Variants in GPN1 observed in about 807,000 individuals in gnomAD.
The protein encoded by GPN1 is GPN-loop GTPase 1.
Under a neutral mutation model 55.9 loss-of-function variants are expected in GPN1, and 44 were observed. The ratio of observed to expected loss-of-function variants is 0.79; its 90% CI spans 0.62 to 1.01. GPN1 has a LOEUF of 1.01. Among genes scored for constraint, GPN1 ranks in the 50% least tolerant of loss-of-function variants. GPN1 has a pLI of 0.00. For synonymous variants in GPN1, 179 were observed against 162.5 expected (o/e 1.10, Z -0.77); for missense variants, 466 against 462.8 (o/e 1.01, Z -0.06).
At chr2:27,635,057 C>T (rs1673678806) in intron 6 of GPN1, 83 bp from the exon 7 acceptor site, 1 of 1,027,090 alleles carries the variant, frequency 9.7e-7, no homozygotes, top group Admixed American at 1.7e-5. Context: ...AAGTGGTTTT[C>T]CCTTGTTAAG....
chr2:27,644,740 T>TTTTTTTTC (rs1389842515), intron 12 of GPN1, among the ~76,000 whole-genome samples: 5 of 148,524 alleles, frequency 3.4e-5, no homozygotes, highest in South Asian at 2.1e-4. Context: ...TTTTTTTTTT[T>TTTTTTTTC]TTTACAGATG....
chr2:27,633,379 C>T (rs945372345), intron 5 of GPN1, among the ~76,000 whole-genome samples: 1 of 152,198 alleles, frequency 6.6e-6, no homozygotes, highest in Non-Finnish European at 1.5e-5. Flanking sequence ...GATCTCAGCT[C>T]ACTGTAACTT....
At chr2:27,635,949 T>C (rs1673716917) in intron 7 of GPN1, among the ~76,000 whole-genome samples, 2 of 151,992 alleles carry the variant, frequency 1.3e-5, no homozygotes, top group Admixed American at 6.6e-5. Context: ...GCATGGTGGC[T>C]CATGCCTATA....
intron 12 of GPN1, among the ~76,000 whole-genome samples, chr2:27,647,015 T>C (rs1233881036): frequency 6.6e-6 from 1 of 152,256 alleles, no homozygotes; most frequent in East Asian, 1.9e-4. Context: ...TGGGAGAGTT[T>C]AAGTAAATCA....
intron 3 of GPN1, 56 bp from the exon 4 acceptor site, chr2:27,631,778 G>T (rs1186537048): frequency 2.0e-6 from 2 of 976,738 alleles, no homozygotes; most frequent in Non-Finnish European, 1.7e-6. Flanking sequence ...GATAGCCTAG[G>T]TATGAACTTT....
At chr2:27,630,975 G>T (rs1021337566) in intron 2 of GPN1, 52 bp from the exon 3 acceptor site, 5 of 856,170 alleles carry the variant, frequency 5.8e-6, no homozygotes, top group Non-Finnish European at 7.9e-6. Flanking sequence ...TTTCCTGGTG[G>T]TAGGGAATGT....
rs1313813608 is a variant in GPN1 at position 27,643,949 on chromosome 2, C to T, written c.931+1430C>T. ...ATCCCAGCATTTTGGGAGGCCGAGG[C>T]GGGTGGATCACTTGAGGTCAGGAAT... On this transcript the variant is annotated intron_variant, in intron 12 of 13. Coordinates refer to ENST00000610189, the MANE Select transcript of GPN1 (RefSeq NM_007266.4). The surrounding 1 kb of genome is among the most constrained non-coding windows in gnomAD (Gnocchi z 4.0). 4.6e-5 allele frequency among the ~76,000 whole-genome samples: 7 copies of T among 152,130 alleles called. No homozygotes were observed. Among genetic ancestry groups the T allele is most frequent in the East Asian group, 1.9e-4 (1 of 5,194 alleles).
chr2:27,650,222 T>C lies in GPN1; in HGVS notation c.*22T>C, dbSNP rs1389359497. The C allele has an allele frequency of 7.1e-7, 1 of 1,416,700 alleles. No individual in the cohort carries two copies. The highest frequency in any genetic ancestry group is 1.0e-6 in the Non-Finnish European group (1 of 1,002,288). 87.8% of individuals were successfully genotyped at this position (1,416,700 alleles called of 1,614,324 possible). A position where few individuals can be genotyped will look rare whatever the true frequency, so the allele number is the denominator to read the frequency against. ...ATAGGAGACTTTAGCACACTTCACT[T>C]GTTTCTAGAAGTCCAGAATTTTGGA... On this transcript the variant is annotated 3_prime_UTR_variant, in exon 14 of 14. Transcript: ENST00000610189.
intron 2 of GPN1, 23 bp downstream of exon 2, chr2:27,629,975 T>A (rs1377084780): frequency 8.0e-6 from 10 of 1,246,128 alleles, no homozygotes; most frequent in Non-Finnish European, 1.2e-5. Flanking sequence ...GTAACATAAC[T>A]TGTGTGCAGT....
Position 27,629,225 on chromosome 2 carries a change from C to G in GPN1, c.111+56C>G, listed in dbSNP as rs990431426. The stretch of plus-strand genomic sequence containing the variant: ...AGCGCAAAAGGTTGCCTCCGGCAGG[C>G]GGAAGGCCAGGAAGAAAGGGAGGGA... On this transcript the variant is annotated intron_variant, in intron 1 of 13. Coordinates refer to ENST00000610189, the MANE Select transcript of GPN1 (RefSeq NM_007266.4). 13 of 1,579,078 alleles carry G rather than the reference C, an allele frequency of 8.2e-6. No individual in the cohort carries two copies. The Admixed American group carries it at 1.9e-4, about 23-fold the overall frequency.
rs544729974 is a variant in GPN1, at chr2:27,629,311, T to A, written c.111+142T>A. 375 of 1,483,430 alleles carry A rather than the reference T, an allele frequency of 2.5e-4. 5 individuals are homozygous for A. In the South Asian group the frequency reaches 4.3e-3, roughly 17 times the overall value. The allele number at this position is 1,483,430 out of a possible 1,614,324, so 91.9% of individuals were successfully genotyped here. A position where few individuals can be genotyped will look rare whatever the true frequency, so the allele number is the denominator to read the frequency against. The stretch of plus-strand genomic sequence containing the variant: ...GGGCTTCCCATCAACTTTAGTTCCT[T>A]CCCCGGCAAAGCCTCCTCGGGCCCT... On this transcript the variant is annotated intron_variant, in intron 1 of 13. Coordinates refer to ENST00000610189, the MANE Select transcript of GPN1 (RefSeq NM_007266.4).
chr2:27,644,389 A>T (rs1292428748), intron 12 of GPN1, among the ~76,000 whole-genome samples: 1 of 152,152 alleles, frequency 6.6e-6, no homozygotes, highest in African/African-American at 2.4e-5. Context: ...CCTATCAGTT[A>T]TCCTTTGACT....
chr2:27,641,398 T>G (rs1009404935), intron 11 of GPN1, 119 bp downstream of exon 11: 23 of 652,876 alleles, frequency 3.5e-5, no homozygotes, highest in Non-Finnish European at 5.7e-5. Context: ...ATTAAAAAAG[T>G]TTTTTTTGTA....
chr2:27,633,962 A>C (rs1427689350), intron 5 of GPN1, among the ~76,000 whole-genome samples: 1 of 151,708 alleles, frequency 6.6e-6, no homozygotes, highest in Non-Finnish European at 1.5e-5. Context: ...ATCACTCCTT[A>C]TTTTCTGTTC....
chr2:27,642,833 G>A (rs1047606128), intron 12 of GPN1, among the ~76,000 whole-genome samples: 2 of 151,922 alleles, frequency 1.3e-5, no homozygotes, highest in African/African-American at 2.4e-5. Context: ...CCAAAATGCT[G>A]GGATTACAGG....
intron 12 of GPN1, 139 bp from the exon 13 acceptor site, chr2:27,647,697 A>G (rs949156338): frequency 1.7e-6 from 1 of 597,200 alleles, no homozygotes; most frequent in South Asian, 2.0e-5. Flanking sequence ...GGTATTAACA[A>G]TACATTTAGA....
Position 27,631,021 on chromosome 2 carries a change from C to A in GPN1, c.206-6C>A. 1 of 1,293,840 alleles carries A rather than the reference C, an allele frequency of 7.7e-7. No homozygotes were observed. Among genetic ancestry groups the A allele is most frequent in the Non-Finnish European group, 1.1e-6 (1 of 892,338 alleles). The allele number at this position is 1,293,840 out of a possible 1,614,324, so 80.1% of individuals were successfully genotyped here. A position where few individuals can be genotyped will look rare whatever the true frequency, so the allele number is the denominator to read the frequency against. The stretch of plus-strand genomic sequence containing the variant: ...CATTCCAGTTAATTCTTTTTTTTCT[C>A]CTCAGATATTCGTGATACTGTAAAG... On this transcript the variant is annotated splice_region_variant and splice_polypyrimidine_tract_variant and intron_variant, in intron 2 of 13. Coordinates refer to ENST00000610189, the MANE Select transcript of GPN1 (RefSeq NM_007266.4).
Position 27,631,706 on chromosome 2 carries a change from A to C in GPN1, c.246-128A>C. On this transcript the variant is annotated intron_variant, in intron 3 of 13. Transcript: ENST00000610189. ...GTGTGGTTAAGTTTGTATGGTAGTC[A>C]AGGATTAGGTTGCCAGTATCCATTA... is the stretch of plus-strand genomic sequence containing the variant. The C allele has an allele frequency of 8.5e-6, 6 of 706,908 alleles. No individual in the cohort carries two copies. In the South Asian group the frequency reaches 9.6e-5, roughly 11 times the overall value. 43.8% of individuals were successfully genotyped at this position (706,908 alleles called of 1,614,324 possible). A position where few individuals can be genotyped will look rare whatever the true frequency, so the allele number is the denominator to read the frequency against.
chr2:27,642,666 C>T, intron 12 of GPN1, 147 bp downstream of exon 12: 1 of 572,514 alleles, frequency 1.7e-6, no homozygotes, highest in South Asian at 2.0e-5. Context: ...CAGGTTCAAG[C>T]AGTTCTCCTG....
Sources: allele counts gnomAD v4.1 joint callset (sites outside exome capture counted in the v4.1 genomes callset), GRCh38; gene constraint gnomAD v4.1.1; non-coding constraint Gnocchi (gnomAD v3.1); transcripts MANE v1.5; gene names NCBI Gene and HGNC (gene_info 2026-07-23, HGNC 2026-07-21).